SGCZ: variants seen among roughly 807,000 people sequenced by gnomAD.
SGCZ encodes sarcoglycan zeta, also known as zeta-sarcoglycan.
In SGCZ, 40 loss-of-function variants were observed where a neutral mutation model predicts 41.3. The observed-to-expected ratio is 0.97, with a 90% CI of 0.75 to 1.26. The LOEUF (loss-of-function observed/expected upper bound fraction) is 1.26, where lower values mean the gene tolerates loss of function less well. Among genes scored for constraint, SGCZ ranks in the 50% most tolerant of loss-of-function variants. The pLI, the probability that SGCZ is intolerant of heterozygous loss-of-function variation, is 0.00. For missense variants in SGCZ, 552 were observed against 369.8 expected, an observed-to-expected ratio of 1.49 and a Z score of -4.04; for synonymous variants, 206 against 137.5, an observed-to-expected ratio of 1.50 and a Z score of -3.49.
intron 3 of SGCZ, among the ~76,000 whole-genome samples, chr8:14,241,632 C>T (rs1391957259): frequency 6.6e-6 from 1 of 151,166 alleles, no homozygotes; most frequent in Non-Finnish European, 1.5e-5. Context: ...AATAAGGTAT[C>T]TCATGGTTTT....
chr8:14,479,049 G>C (rs1032671865), intron 2 of SGCZ, among the ~76,000 whole-genome samples: 8 of 152,132 alleles, frequency 5.3e-5, no homozygotes, highest in Non-Finnish European at 8.8e-5. Flanking sequence ...GGATTAAATG[G>C]ATAGAGGTAC....
At chr8:15,029,617 T>A (rs944479191) in intron 1 of SGCZ, among the ~76,000 whole-genome samples, 1 of 152,134 alleles carries the variant, frequency 6.6e-6, no homozygotes, top group Non-Finnish European at 1.5e-5. Flanking sequence ...TTGTTCCCTT[T>A]ACTCATAAGG....
At chr8:14,649,627 T>G (rs1007166240) in intron 1 of SGCZ, among the ~76,000 whole-genome samples, 1 of 151,988 alleles carries the variant, frequency 6.6e-6, no homozygotes, top group African/African-American at 2.4e-5. Flanking sequence ...TGTCGAAAGC[T>G]CAGCTCGTTA....
At chr8:14,553,290 T>C (rs946134407) in intron 2 of SGCZ, among the ~76,000 whole-genome samples, 2 of 152,006 alleles carry the variant, frequency 1.3e-5, no homozygotes, top group Non-Finnish European at 2.9e-5. Flanking sequence ...TTCAGATGCA[T>C]TCCCAGAGAA....
Position 14,293,843 on chromosome 8 carries a change from C to A in SGCZ, c.336+30260G>T, listed in dbSNP as rs73529470. On this transcript the variant is annotated intron_variant, in intron 3 of 7. Transcript: ENST00000382080. ...TCATTATCAGTTGTCTTTAGAAGAT[C>A]AAAGTAGTAGAATTAAGTGCAATTC... Among the ~76,000 whole-genome samples the A allele has an allele frequency of 7.0e-3, 1,067 of 151,844 alleles. 10 individuals carry two copies. Among genetic ancestry groups the A allele is most frequent in the African/African-American group, 0.025 (1,022 of 41,498 alleles).
At chr8:15,054,025 G>T (rs201747648) in intron 1 of SGCZ, among the ~76,000 whole-genome samples, 1 of 152,144 alleles carries the variant, frequency 6.6e-6, no homozygotes, top group East Asian at 1.9e-4. Flanking sequence ...TTGCAAAGTG[G>T]ATGTGATGTG....
chr8:14,733,258 A>C (rs1798926043), intron 1 of SGCZ, among the ~76,000 whole-genome samples: 1 of 152,142 alleles, frequency 6.6e-6, no homozygotes. Flanking sequence ...AAGTATTCAG[A>C]CTACCCAGTC....
rs201363665 is a variant in SGCZ at position 14,621,187 on chromosome 8, G to A, written c.40-66261C>T. Among the ~76,000 whole-genome samples the A allele has an allele frequency of 5.5e-4, 83 of 149,680 alleles. No individual in the cohort carries two copies. The East Asian group carries it at 0.016, about 29-fold the overall frequency. ...ATCATTCTCAGCAAACTATCACAAG[G>A]ACAAAAAACCAAAACCGCATGTTCT... On this transcript the variant is annotated intron_variant, in intron 1 of 7. Coordinates refer to ENST00000382080, the MANE Select transcript of SGCZ (RefSeq NM_139167.4).
intron 2 of SGCZ, among the ~76,000 whole-genome samples, chr8:14,399,219 G>C (rs1179337893): frequency 6.6e-6 from 1 of 152,078 alleles, no homozygotes; most frequent in South Asian, 2.1e-4. Context: ...GGGTTCCTTG[G>C]AGTCCTTTTT....
At chr8:14,509,607 G>T (rs28387675) in intron 2 of SGCZ, among the ~76,000 whole-genome samples, 1 of 152,060 alleles carries the variant, frequency 6.6e-6, no homozygotes, top group Non-Finnish European at 1.5e-5. Flanking sequence ...AGAAGAACAT[G>T]AACCATCATC....
intron 3 of SGCZ, among the ~76,000 whole-genome samples, chr8:14,266,600 A>G (rs1472047129): frequency 2.0e-5 from 3 of 152,120 alleles, no homozygotes; most frequent in Non-Finnish European, 4.4e-5. Context: ...TCTAGACAAC[A>G]TGTCACATAA....
At chr8:14,640,017 T>A (rs1806970579) in intron 1 of SGCZ, among the ~76,000 whole-genome samples, 1 of 151,702 alleles carries the variant, frequency 6.6e-6, no homozygotes, top group Non-Finnish European at 1.5e-5. Flanking sequence ...GAATAAACTA[T>A]ACGTATTTAT....
intron 2 of SGCZ, among the ~76,000 whole-genome samples, chr8:14,375,106 A>G (rs1448372784): frequency 6.9e-6 from 1 of 145,898 alleles, no homozygotes; most frequent in African/African-American, 2.5e-5. Flanking sequence ...AATCAGATAG[A>G]TAGATAGACA....
chr8:14,233,411 C>G (rs1219669533), intron 4 of SGCZ, among the ~76,000 whole-genome samples: 1 of 151,138 alleles, frequency 6.6e-6, no homozygotes. Context: ...TGTTAAATAT[C>G]AATGTAATGT....
chr8:14,351,480 C>G (rs1213706596), intron 2 of SGCZ, among the ~76,000 whole-genome samples: 1 of 151,554 alleles, frequency 6.6e-6, no homozygotes, highest in African/African-American at 2.4e-5. Flanking sequence ...TTTACTTTGT[C>G]TGATTGCATT....
intron 1 of SGCZ, among the ~76,000 whole-genome samples, chr8:14,678,592 G>A (rs1808346485): frequency 6.6e-6 from 1 of 152,198 alleles, no homozygotes; most frequent in African/African-American, 2.4e-5. Context: ...TGGTAAGAAT[G>A]CAAAATGGTA....
At chr8:14,948,433 T>A (rs555892773) in intron 1 of SGCZ, among the ~76,000 whole-genome samples, 4 of 151,972 alleles carry the variant, frequency 2.6e-5, no homozygotes, top group African/African-American at 7.2e-5. Context: ...GAAAACTACT[T>A]TGAAAAGATT....
chr8:14,410,724 T>C (rs1029559384), intron 2 of SGCZ, among the ~76,000 whole-genome samples: 2 of 152,140 alleles, frequency 1.3e-5, no homozygotes, highest in Non-Finnish European at 2.9e-5. Context: ...CATGTATGCC[T>C]GTGTAATAAA....
intron 4 of SGCZ, among the ~76,000 whole-genome samples, chr8:14,173,408 A>C (rs1385130450): frequency 6.6e-6 from 1 of 152,074 alleles, no homozygotes; most frequent in Admixed American, 6.6e-5. Flanking sequence ...TTGATTTTAA[A>C]TGTAAGAAAA....
Sources: gnomAD v4.1 joint callset for allele counts (sites outside exome capture counted in the v4.1 genomes callset) on GRCh38, gnomAD v4.1.1 for gene constraint, MANE v1.5 for transcripts, NCBI Gene and HGNC (gene_info 2026-07-23, HGNC 2026-07-21) for gene names.